The following SHANK2 variants were observed in gnomAD, a reference collection of about 807,000 sequenced individuals.
The protein encoded by SHANK2 is SH3 and multiple ankyrin repeat domains 2.
A neutral mutation model predicts 133.7 loss-of-function variants in SHANK2; 43 were observed. The observed-to-expected ratio is 0.32, with a 90% confidence interval of 0.25 to 0.41. The LOEUF (loss-of-function observed/expected upper bound fraction) is 0.41. Ranked by LOEUF, SHANK2 falls within the 10% of genes least tolerant of loss-of-function variation. SHANK2 has a pLI of 1.00. For synonymous variants in SHANK2, 1,017 were observed against 952.8 expected (o/e 1.07, Z -1.24); for missense variants, 1,994 against 2,235.8 (o/e 0.89, Z 2.18).
rs901429739 is a variant in SHANK2 at position 71,177,907 on chromosome 11, T to A, written c.-12-30569A>T. On this transcript the variant is annotated intron_variant, in intron 2 of 25. Coordinates refer to ENST00000601538, the MANE Select transcript of SHANK2 (RefSeq NM_012309.5). ...TCTACTAAGAGGGCAATAACAATAA[T>A]GATAATAATAAGTGGAAAATGACAC... Among the ~76,000 whole-genome samples, 5 of 152,222 alleles carry A rather than the reference T, an allele frequency of 3.3e-5. No homozygotes were observed. In the South Asian group the frequency reaches 1.0e-3, roughly 32 times the overall value.
intron 12 of SHANK2, among the ~76,000 whole-genome samples, chr11:70,816,674 C>T (rs1368082485): frequency 6.6e-6 from 1 of 152,186 alleles, no homozygotes; most frequent in African/African-American, 2.4e-5. Flanking sequence ...CAGAGGGGCT[C>T]AGCCACCTCC....
chr11:70,637,181 C>A (rs2061114163), intron 17 of SHANK2, among the ~76,000 whole-genome samples: 1 of 152,132 alleles, frequency 6.6e-6, no homozygotes, highest in Non-Finnish European at 1.5e-5. Flanking sequence ...ATTCACAGCA[C>A]AGCCACAGCC....
chr11:71,091,680 C>G (rs138623334), intron 8 of SHANK2, among the ~76,000 whole-genome samples: 3 of 152,108 alleles, frequency 2.0e-5, no homozygotes, highest in Non-Finnish European at 4.4e-5. Flanking sequence ...TCTGGCAGGG[C>G]TCAGCCAAGA....
intron 10 of SHANK2, chr11:70,943,906 T>C (rs1555084833): frequency 2.2e-6 from 1 of 456,628 alleles, no homozygotes; most frequent in Middle Eastern, 3.3e-4. Context: ...AAACATCTGA[T>C]CATCCGTCTT....
intron 17 of SHANK2, among the ~76,000 whole-genome samples, chr11:70,573,140 C>A (rs965015477): frequency 1.3e-5 from 2 of 151,998 alleles, no homozygotes; most frequent in Non-Finnish European, 2.9e-5. Flanking sequence ...CAAAAAATAG[C>A]TTCAGTCGCG....
At chr11:70,498,553 T>C (rs2059005598) in intron 21 of SHANK2, among the ~76,000 whole-genome samples, 2 of 152,204 alleles carry the variant, frequency 1.3e-5, no homozygotes, top group South Asian at 4.1e-4. Context: ...AGCCGGCTTC[T>C]TCCTGAGCCC....
At chr11:70,607,892 C>T (rs2060600939) in intron 17 of SHANK2, among the ~76,000 whole-genome samples, 1 of 152,232 alleles carries the variant, frequency 6.6e-6, no homozygotes, top group South Asian at 2.1e-4. Flanking sequence ...CATATAGCCC[C>T]CCTTTCAGAA....
chr11:71,207,329 G>A (rs1358899064), intron 2 of SHANK2, among the ~76,000 whole-genome samples: 1 of 151,980 alleles, frequency 6.6e-6, no homozygotes, highest in Non-Finnish European at 1.5e-5. Context: ...ATAGGCTTCC[G>A]CTACCACACC....
At chr11:70,838,861 C>G (rs531335033) in intron 11 of SHANK2, among the ~76,000 whole-genome samples, 1 of 152,294 alleles carries the variant, frequency 6.6e-6, no homozygotes, top group East Asian at 1.9e-4. Context: ...ACCCCTGAAT[C>G]CACAACACAG....
intron 14 of SHANK2, among the ~76,000 whole-genome samples, chr11:70,782,031 A>T (rs1281603766): frequency 2.6e-5 from 4 of 152,076 alleles, no homozygotes; most frequent in African/African-American, 9.7e-5. Context: ...CAAACACCGC[A>T]TGTTCTCACT....
At chr11:70,795,211 G>A (rs1337102262) in intron 14 of SHANK2, among the ~76,000 whole-genome samples, 1 of 151,958 alleles carries the variant, frequency 6.6e-6, no homozygotes, top group Non-Finnish European at 1.5e-5. Context: ...TCTGTGTTAG[G>A]GAGAAAGATG....
intron 15 of SHANK2, among the ~76,000 whole-genome samples, chr11:70,688,272 G>T (rs1258428142): frequency 3.9e-5 from 6 of 152,134 alleles, no homozygotes; most frequent in Non-Finnish European, 8.8e-5. Flanking sequence ...GCTTTCAGAG[G>T]GTCTGAGCGT....
intron 14 of SHANK2, among the ~76,000 whole-genome samples, chr11:70,725,295 C>T (rs1946155820): frequency 6.6e-6 from 1 of 152,218 alleles, no homozygotes; most frequent in African/African-American, 2.4e-5. Flanking sequence ...AACTTATTTG[C>T]AGCTGGTTCT....
intron 2 of SHANK2, among the ~76,000 whole-genome samples, chr11:71,217,776 A>G (rs2135715687): frequency 6.6e-6 from 1 of 152,366 alleles, no homozygotes. Flanking sequence ...TGGAATAAGG[A>G]TATATGGAAA....
chr11:71,086,309 ATATAG>A (rs1318715030), intron 8 of SHANK2, among the ~76,000 whole-genome samples: 29 of 117,908 alleles, frequency 2.5e-4, no homozygotes, highest in African/African-American at 6.6e-4. Context: ...GTTATATAAG[ATATAG>A]TATATGTTAT....
At chr11:70,661,569 A>C in intron 16 of SHANK2, 27 bp downstream of exon 16, 3 of 1,581,434 alleles carry the variant, frequency 1.9e-6, no homozygotes, top group Non-Finnish European at 2.6e-6. Context: ...ATGGGAACAT[A>C]TTCAGGCTCA....
At chr11:71,067,837 G>A (rs1951086853) in intron 9 of SHANK2, among the ~76,000 whole-genome samples, 9 of 136,062 alleles carry the variant, frequency 6.6e-5, no homozygotes, top group Middle Eastern at 4.0e-3. Context: ...CACCACCATC[G>A]CTCACCAACA....
chr11:70,842,878 A>G (rs1948929187), intron 11 of SHANK2, among the ~76,000 whole-genome samples: 2 of 152,164 alleles, frequency 1.3e-5, no homozygotes, highest in Non-Finnish European at 2.9e-5. Context: ...GATCTGTGAG[A>G]ATAACACGGA....
chr11:71,244,075 G>A (rs1440538542), intron 1 of SHANK2, among the ~76,000 whole-genome samples: 1 of 152,154 alleles, frequency 6.6e-6, no homozygotes, highest in Non-Finnish European at 1.5e-5. Context: ...AGGCTTCCTT[G>A]GGCAGCCAGA....
Sources: allele counts gnomAD v4.1 joint callset (sites outside exome capture counted in the v4.1 genomes callset), GRCh38; gene constraint gnomAD v4.1.1; transcripts MANE v1.5; gene names NCBI Gene and HGNC (gene_info 2026-07-23, HGNC 2026-07-21).